Variants in MEIS2 observed in about 807,000 individuals in gnomAD.
MEIS2 encodes the protein Meis homeobox 2, also known as homeobox protein Meis2.
MEIS2 carries 9 observed loss-of-function variants against 58.6 expected under a neutral mutation model. The observed-to-expected ratio is 0.15, with a 90% CI of 0.09 to 0.27. MEIS2 has a LOEUF of 0.27. Among genes scored for constraint, MEIS2 ranks in the 10% least tolerant of loss-of-function variants. MEIS2 has a pLI of 1.00. For missense variants in MEIS2, 427 were observed against 635.0 expected (o/e 0.67, Z 3.52); for synonymous variants, 221 against 228.4 (o/e 0.97, Z 0.29).
chr15:36,935,297 A>AT (rs1476146858), intron 9 of MEIS2, among the ~76,000 whole-genome samples: 1 of 151,416 alleles, frequency 6.6e-6, no homozygotes, highest in African/African-American at 2.4e-5. Flanking sequence ...GCATACAGCA[A>AT]TTTTTAAGCC....
At chr15:37,086,857 C>T (rs919455165) in intron 6 of MEIS2, among the ~76,000 whole-genome samples, 6 of 152,146 alleles carry the variant, frequency 3.9e-5, no homozygotes, top group African/African-American at 1.4e-4. Flanking sequence ...ATTGTTCCTC[C>T]TTGGTCATAA....
At chr15:37,033,646 G>C (rs916820330) in intron 8 of MEIS2, among the ~76,000 whole-genome samples, 1 of 152,198 alleles carries the variant, frequency 6.6e-6, no homozygotes, top group Non-Finnish European at 1.5e-5. Context: ...CAGTGAGCTA[G>C]AGCCAACATT....
In MEIS2 at chr15:37,035,706, C is replaced by T. The variant is rs191177642; in HGVS notation, c.900+1108G>A. 6.6e-5 allele frequency among the ~76,000 whole-genome samples: 10 copies of T among 152,294 alleles called. No homozygotes were observed. The East Asian group carries it at 1.7e-3, about 26-fold the overall frequency. On this transcript the variant is annotated intron_variant, in intron 8 of 11. Transcript: ENST00000561208. Reference sequence around the variant, plus strand: ...TACTAATGTCCTTACATCAAAATGGCCGATTTAGGAATGTGAATCTATCAC... The same window carrying T: ...TACTAATGTCCTTACATCAAAATGGTCGATTTAGGAATGTGAATCTATCAC...
intron 8 of MEIS2, among the ~76,000 whole-genome samples, chr15:36,998,196 G>C (rs933255381): frequency 6.8e-6 from 1 of 146,856 alleles, no homozygotes; most frequent in Non-Finnish European, 1.5e-5. Context: ...CACAGACTAC[G>C]ACTTTTACCA....
intron 8 of MEIS2, among the ~76,000 whole-genome samples, chr15:36,960,248 C>CTT (rs902400308): frequency 1.4e-5 from 2 of 144,890 alleles, no homozygotes; most frequent in African/African-American, 5.0e-5. Flanking sequence ...TGAGGGTTAT[C>CTT]TTTTTTTTTT....
chr15:37,076,632 G>C (rs1223941972), intron 7 of MEIS2, among the ~76,000 whole-genome samples: 1 of 152,002 alleles, frequency 6.6e-6, no homozygotes, highest in Non-Finnish European at 1.5e-5. Flanking sequence ...ATGTTTTAAA[G>C]TGGTTTTTGA....
chr15:37,001,231 G>C (rs1361662460), intron 8 of MEIS2, among the ~76,000 whole-genome samples: 1 of 152,042 alleles, frequency 6.6e-6, no homozygotes, highest in African/African-American at 2.4e-5. Flanking sequence ...GGCCTCTCTA[G>C]CTGCTGCCAT....
chr15:36,912,112 T>C (rs539551158), intron 9 of MEIS2, among the ~76,000 whole-genome samples: 3 of 152,268 alleles, frequency 2.0e-5, no homozygotes, highest in East Asian at 1.9e-4. Context: ...TAACCTCTCC[T>C]TGGGTGGAAA....
intron 9 of MEIS2, among the ~76,000 whole-genome samples, chr15:36,919,509 CAGA>C (rs1395863441): frequency 6.7e-6 from 1 of 149,512 alleles, no homozygotes; most frequent in Non-Finnish European, 1.5e-5. Context: ...ACCCGGGAGG[CAGA>C]AGTTGTGGGA....
intron 9 of MEIS2, among the ~76,000 whole-genome samples, chr15:36,917,665 T>C (rs1478059947): frequency 2.6e-5 from 4 of 152,212 alleles, no homozygotes; most frequent in Non-Finnish European, 4.4e-5. Flanking sequence ...TCTCCAATCA[T>C]ACTCTAGGGA....
chr15:36,992,801 G>A (rs371511421), intron 8 of MEIS2, among the ~76,000 whole-genome samples: 3 of 151,774 alleles, frequency 2.0e-5, no homozygotes, highest in African/African-American at 7.3e-5. Context: ...GGGGAGAGAA[G>A]GGGGGCGATG....
intron 7 of MEIS2, among the ~76,000 whole-genome samples, chr15:37,055,836 G>T (rs899401263): frequency 6.6e-6 from 1 of 152,134 alleles, no homozygotes; most frequent in South Asian, 2.1e-4. Flanking sequence ...GGTCCCAGTG[G>T]TTATTTAGGT....
intron 7 of MEIS2, among the ~76,000 whole-genome samples, chr15:37,040,520 C>T (rs971606703): frequency 6.6e-6 from 1 of 152,156 alleles, no homozygotes; most frequent in Non-Finnish European, 1.5e-5. Context: ...AGGAACAGAG[C>T]TTCTTTGAAG....
chr15:37,042,121 C>T (rs955752974), intron 7 of MEIS2, among the ~76,000 whole-genome samples: 5 of 152,076 alleles, frequency 3.3e-5, no homozygotes, highest in African/African-American at 7.2e-5. Flanking sequence ...ACTGCACTCT[C>T]GCCTGGGCAG....
chr15:37,019,275 T>G (rs1412768714), intron 8 of MEIS2, among the ~76,000 whole-genome samples: 1 of 152,218 alleles, frequency 6.6e-6, no homozygotes, highest in African/African-American at 2.4e-5. Context: ...AAGTATTGCA[T>G]GAGCTACTAA....
At chr15:36,990,932 G>C (rs1197657144) in intron 8 of MEIS2, among the ~76,000 whole-genome samples, 3 of 152,010 alleles carry the variant, frequency 2.0e-5, no homozygotes, top group African/African-American at 7.2e-5. Flanking sequence ...AGACTATTAG[G>C]CTTTTTCCTG....
intron 8 of MEIS2, among the ~76,000 whole-genome samples, chr15:36,999,857 G>A (rs1435999813): frequency 2.0e-5 from 3 of 152,260 alleles, no homozygotes; most frequent in Non-Finnish European, 2.9e-5. Context: ...TACTGGGAGT[G>A]TAATTTTTAA....
intron 9 of MEIS2, among the ~76,000 whole-genome samples, chr15:36,923,712 T>C (rs188824932): frequency 6.6e-6 from 1 of 152,348 alleles, no homozygotes; most frequent in Non-Finnish European, 1.5e-5. Context: ...CACTGAGTCC[T>C]GTCAGTTTCC....
intron 9 of MEIS2, among the ~76,000 whole-genome samples, chr15:36,923,724 C>G (rs2057619850): frequency 6.6e-6 from 1 of 152,174 alleles, no homozygotes; most frequent in Non-Finnish European, 1.5e-5. Context: ...TCAGTTTCCC[C>G]CAGCATGTAA....
Sources: gnomAD v4.1 joint callset for allele counts (sites outside exome capture counted in the v4.1 genomes callset) on GRCh38, gnomAD v4.1.1 for gene constraint, MANE v1.5 for transcripts, NCBI Gene and HGNC (gene_info 2026-07-23, HGNC 2026-07-21) for gene names.